The following FRS2 variants were observed in gnomAD, a reference collection of about 807,000 sequenced individuals.
FRS2 encodes the protein fibroblast growth factor receptor substrate 2.
In FRS2, 8 loss-of-function variants were observed where a neutral mutation model predicts 43.9. That is an observed-to-expected ratio of 0.18 (90% CI 0.11 to 0.33). FRS2 has a LOEUF of 0.33. Ranked by LOEUF, FRS2 falls within the 10% of genes least tolerant of loss-of-function variation. The pLI is 1.00. For synonymous variants in FRS2, 219 were observed against 220.3 expected (o/e 0.99, Z 0.05); for missense variants, 534 against 627.6 (o/e 0.85, Z 1.59).
At chr12:69,548,925 C>G (rs562071679) in intron 3 of FRS2, among the ~76,000 whole-genome samples, 9 of 152,298 alleles carry the variant, frequency 5.9e-5, no homozygotes, top group Middle Eastern at 3.4e-3. Context: ...TGCCTCCATG[C>G]AGGTGAGGCT....
At chr12:69,494,703 C>G (rs569959913) in intron 1 of FRS2, among the ~76,000 whole-genome samples, 3 of 152,254 alleles carry the variant, frequency 2.0e-5, no homozygotes, top group Admixed American at 2.0e-4. Context: ...CTTGTAAGTG[C>G]TGACCCTATG....
chr12:69,525,551 T>C (rs1565747081), intron 1 of FRS2, among the ~76,000 whole-genome samples: 1 of 152,200 alleles, frequency 6.6e-6, no homozygotes, highest in East Asian at 1.9e-4. Flanking sequence ...CACGGAGTCT[T>C]TGTTACTGAG....
rs919068958 is a variant in FRS2 at position 69,578,414 on chromosome 12, A to G, written c.*3459A>G. ...AATGTTTTTGGCTTGAAAAATTAAC[A>G]TATTTTATGACGTACCACAGTATAC... On this transcript the variant is annotated 3_prime_UTR_variant, in exon 9 of 9. Coordinates refer to ENST00000549921, the MANE Select transcript of FRS2 (RefSeq NM_001278356.2). 3 of 152,570 alleles carry G rather than the reference A, an allele frequency of 2.0e-5. No individual in the cohort carries two copies. The highest frequency in any genetic ancestry group is 7.2e-5 in the African/African-American group (3 of 41,452). The allele number at this position is 152,570 out of a possible 1,614,324, so 9.5% of individuals were successfully genotyped here. A position where few individuals can be genotyped will look rare whatever the true frequency, so the allele number is the denominator to read the frequency against.
chr12:69,570,646 ATATAG>A (rs1418261677), intron 6 of FRS2, 129 bp downstream of exon 6: 8 of 629,676 alleles, frequency 1.3e-5, no homozygotes, highest in South Asian at 1.3e-4. Context: ...TTAAGGAAAG[ATATAG>A]TATACTGTGT....
At chr12:69,471,671 G>A (rs1227219067) in intron 1 of FRS2, among the ~76,000 whole-genome samples, 2 of 152,228 alleles carry the variant, frequency 1.3e-5, no homozygotes, top group Non-Finnish European at 2.9e-5. Flanking sequence ...TAGGAAATAT[G>A]GGTTTTCCAC....
Position 69,575,958 on chromosome 12 carries a change from G to A in FRS2, c.*1003G>A, listed in dbSNP as rs990747199. 1.3e-5 allele frequency: 2 copies of A among 152,588 alleles called. No homozygotes were observed. The highest frequency in any genetic ancestry group is 2.9e-5 in the Non-Finnish European group (2 of 68,022). The allele number at this position is 152,588 out of a possible 1,614,324, so 9.5% of individuals were successfully genotyped here. ...AATTATGGTTTTGAAGGTTCATTTG[G>A]AACTTACTGTTAGTCTGTAACAGGG... On this transcript the variant is annotated 3_prime_UTR_variant, in exon 9 of 9. Coordinates refer to ENST00000549921, the MANE Select transcript of FRS2 (RefSeq NM_001278356.2).
intron 3 of FRS2, among the ~76,000 whole-genome samples, chr12:69,532,328 T>G (rs1420457004): frequency 6.6e-6 from 1 of 152,204 alleles, no homozygotes; most frequent in Non-Finnish European, 1.5e-5. Flanking sequence ...TTGAGTGGGT[T>G]TATCCTTTTT....
rs1473899497 is a variant in FRS2, at chr12:69,578,616, C to G, written c.*3661C>G. On this transcript the variant is annotated 3_prime_UTR_variant, in exon 9 of 9. Coordinates refer to ENST00000549921, the MANE Select transcript of FRS2 (RefSeq NM_001278356.2). The stretch of plus-strand genomic sequence containing the variant: ...ACTGGTATAAGTAGTACAGTAGTCA[C>G]CAGTGTGCCACATTTGCATTAGTAA... 1 of 152,544 alleles carries G rather than the reference C, an allele frequency of 6.6e-6. No individual in the cohort carries two copies. Among genetic ancestry groups the G allele is most frequent in the Admixed American group, 6.6e-5 (1 of 15,266 alleles). The allele number at this position is 152,544 out of a possible 1,614,324, so 9.4% of individuals were successfully genotyped here.
In FRS2 at chr12:69,477,494, A is replaced by G. The variant is rs1216999016; in HGVS notation, c.-261+6964A>G. Among the ~76,000 whole-genome samples, 462 of 150,204 alleles carry G rather than the reference A, an allele frequency of 3.1e-3. 10 individuals are homozygous for G. The highest frequency in any genetic ancestry group is 9.0e-3 in the African/African-American group (364 of 40,224). On this transcript the variant is annotated intron_variant, in intron 1 of 8. Transcript: ENST00000549921. ...AAACGGGGTTTCACCGTGTTAGCCA[A>G]GATGGTCTCAATCTCCTGACCTCGT...
chr12:69,570,110 A>T (rs142002448), intron 5 of FRS2, among the ~76,000 whole-genome samples: 2 of 152,280 alleles, frequency 1.3e-5, no homozygotes, highest in East Asian at 1.9e-4. Flanking sequence ...TTAATCATAC[A>T]CTTTTGTGGT....
At chr12:69,573,257 G>GCATTTA (rs1880914384) in intron 8 of FRS2, among the ~76,000 whole-genome samples, 1 of 152,040 alleles carries the variant, frequency 6.6e-6, no homozygotes, top group Non-Finnish European at 1.5e-5. Flanking sequence ...TAAATCTAGT[G>GCATTTA]GAGTTAATCT....
rs766592154 is a variant in FRS2, at chr12:69,570,323, T to C, written c.67-8T>C. On this transcript the variant is annotated splice_region_variant and splice_polypyrimidine_tract_variant and intron_variant, in intron 5 of 8. Transcript: ENST00000549921. Reference sequence around the variant, plus strand: ...CATATTTGCATGACTGTCACCTTCTTTTTTTAGGTCATTAATGTGGATGAT... The same window carrying C: ...CATATTTGCATGACTGTCACCTTCTCTTTTTAGGTCATTAATGTGGATGAT... The C allele has an allele frequency of 1.5e-5, 24 of 1,607,314 alleles. No individual in the cohort carries two copies. In the South Asian group the frequency reaches 2.6e-4, roughly 18 times the overall value.
rs568927352 is a variant in FRS2, at chr12:69,489,410, C to G, written c.-261+18880C>G. 1.9e-4 allele frequency among the ~76,000 whole-genome samples: 29 copies of G among 152,280 alleles called. No homozygotes were observed. The South Asian group carries it at 6.0e-3, about 32-fold the overall frequency. On this transcript the variant is annotated intron_variant, in intron 1 of 8. Coordinates refer to ENST00000549921, the MANE Select transcript of FRS2 (RefSeq NM_001278356.2). ...CAAGCCTTGGTTAGGTGGCTTCCGC[C>G]TATAATCCCAGCACTTTTGGAGGCT...
intron 1 of FRS2, among the ~76,000 whole-genome samples, chr12:69,485,657 G>A (rs1053105450): frequency 6.6e-6 from 1 of 151,816 alleles, no homozygotes; most frequent in African/African-American, 2.4e-5. Flanking sequence ...TAATCAAGAT[G>A]AGGTTTCACC....
At chr12:69,566,838 A>G (rs1223192011) in intron 4 of FRS2, among the ~76,000 whole-genome samples, 1 of 152,156 alleles carries the variant, frequency 6.6e-6, no homozygotes, top group Non-Finnish European at 1.5e-5. Flanking sequence ...ATCAAGTCTC[A>G]AATCTAGGGA....
intron 1 of FRS2, among the ~76,000 whole-genome samples, chr12:69,498,063 A>G (rs1165274535): frequency 2.6e-5 from 4 of 151,764 alleles, no homozygotes; most frequent in African/African-American, 7.3e-5. Context: ...GAAACTTGCT[A>G]TTTTCTCTCA....
At position 69,574,080 on chromosome 12, in the gene FRS2, G is replaced by A. The variant is rs756339136; in HGVS notation, c.652G>A (p.Ala218Thr). The change falls in exon 9 of 9, where the codon GCG (alanine) becomes ACG (threonine). Residue 218 changes from alanine (A) to threonine (T), a missense_variant. Ala to Thr is a moderately conservative substitution (Grantham distance 58, BLOSUM62 0). Coordinates refer to ENST00000549921, the MANE Select transcript of FRS2 (RefSeq NM_001278356.2). Reference protein sequence around the residue: ...NRTSVHVPLEARVSNAESSTP... With the variant: ...NRTSVHVPLETRVSNAESSTP... ...CACAAGTGTGCATGTTCCATTGGAG[G>A]CGAGGGTTTCTAACGCTGAAAGCAG... 5.0e-6 allele frequency: 8 copies of A among 1,614,214 alleles called. No homozygotes were observed. The highest frequency in any genetic ancestry group is 6.8e-6 in the Non-Finnish European group (8 of 1,180,016).
At chr12:69,539,608 A>G (rs2135698818) in intron 3 of FRS2, among the ~76,000 whole-genome samples, 1 of 152,212 alleles carries the variant, frequency 6.6e-6, no homozygotes, top group East Asian at 1.9e-4. Flanking sequence ...AGAATTTTCC[A>G]GTTAGGGATG....
intron 1 of FRS2, among the ~76,000 whole-genome samples, chr12:69,481,749 T>G (rs1871363348): frequency 6.6e-6 from 1 of 152,218 alleles, no homozygotes; most frequent in Non-Finnish European, 1.5e-5. Flanking sequence ...TACGGAAGGT[T>G]TTTCAATTTG....
Sources: gnomAD v4.1 joint callset for allele counts (sites outside exome capture counted in the v4.1 genomes callset) on GRCh38, gnomAD v4.1.1 for gene constraint, MANE v1.5 for transcripts, NCBI Gene and HGNC (gene_info 2026-07-23, HGNC 2026-07-21) for gene names.